Variants in AGAP1 observed in about 807,000 individuals in gnomAD.
AGAP1 encodes arf-GAP with GTPase, ANK repeat and PH domain-containing protein 1.
In AGAP1, 29 loss-of-function variants were observed where a neutral mutation model predicts 105.3. The observed-to-expected ratio is 0.28, with a 90% CI of 0.21 to 0.38. The LOEUF is 0.38. Among genes scored for constraint, AGAP1 ranks in the 10% least tolerant of loss-of-function variants. AGAP1 has a pLI of 1.00. For missense variants in AGAP1, 998 were observed against 1,165.1 expected (o/e 0.86, Z 2.09); for synonymous variants, 509 against 485.9 (o/e 1.05, Z -0.63).
intron 6 of AGAP1, among the ~76,000 whole-genome samples, chr2:235,760,885 C>T (rs1318453935): frequency 3.3e-5 from 5 of 152,352 alleles, no homozygotes; most frequent in African/African-American, 1.2e-4. Context: ...CCACCACTCC[C>T]AGCAGCCCAA....
At chr2:235,800,695 A>C (rs1341397039) in intron 8 of AGAP1, among the ~76,000 whole-genome samples, 1 of 152,224 alleles carries the variant, frequency 6.6e-6, no homozygotes, top group Non-Finnish European at 1.5e-5. Flanking sequence ...ACATTTGGCA[A>C]CTTCTGGAGA....
intron 1 of AGAP1, among the ~76,000 whole-genome samples, chr2:235,657,197 C>G (rs1395577714): frequency 6.6e-6 from 1 of 152,164 alleles, no homozygotes; most frequent in Middle Eastern, 3.2e-3. Flanking sequence ...GAGTTAGTCT[C>G]CACTTTATAG....
chr2:235,821,230 A>G (rs1958769463), intron 9 of AGAP1, among the ~76,000 whole-genome samples: 1 of 152,234 alleles, frequency 6.6e-6, no homozygotes, highest in Non-Finnish European at 1.5e-5. Flanking sequence ...TAAAATGGCC[A>G]ATTTGAATAC....
At chr2:235,944,352 A>C (rs143025135) in intron 12 of AGAP1, among the ~76,000 whole-genome samples, 58 of 152,368 alleles carry the variant, frequency 3.8e-4, no homozygotes, top group Non-Finnish European at 7.6e-4. Context: ...TAACAACCTT[A>C]CCAGTTATCT....
intron 9 of AGAP1, among the ~76,000 whole-genome samples, chr2:235,857,780 A>G (rs1449910474): frequency 6.6e-6 from 1 of 152,250 alleles, no homozygotes. Context: ...ACTGATTTGC[A>G]AGAATGTAGT....
intron 1 of AGAP1, among the ~76,000 whole-genome samples, chr2:235,592,090 T>G (rs1945362226): frequency 6.6e-6 from 1 of 152,190 alleles, no homozygotes; most frequent in South Asian, 2.1e-4. Context: ...AGTCATACAT[T>G]GAAGTGGCGC....
intron 6 of AGAP1, among the ~76,000 whole-genome samples, chr2:235,762,397 C>T (rs529375508): frequency 5.3e-5 from 8 of 152,102 alleles, no homozygotes; most frequent in Non-Finnish European, 7.4e-5. Flanking sequence ...ATTCAGGCTC[C>T]GAGCAGATCA....
intron 6 of AGAP1, among the ~76,000 whole-genome samples, chr2:235,764,602 C>T (rs556567655): frequency 3.3e-5 from 5 of 152,328 alleles, no homozygotes; most frequent in African/African-American, 1.2e-4. Context: ...ATCTCTGCTG[C>T]GTCCTGAGTC....
chr2:236,036,676 C>G lies in AGAP1; in HGVS notation c.1761C>G (p.Ile587Met). 1.9e-6 allele frequency: 3 copies of G among 1,614,214 alleles called. No individual in the cohort carries two copies. The highest frequency in any genetic ancestry group is 1.3e-5 in the African/African-American group (1 of 75,052). The change falls in exon 14 of 18, where the codon ATC becomes ATG. Residue 587 changes from isoleucine to methionine, a missense_variant. Ile to Met is a conservative substitution (Grantham distance 10). Around this residue, in one of 3 missense-constraint regions of AGAP1, gnomAD observed 735 missense variants for 833.4 expected, o/e 0.88. Coordinates refer to ENST00000304032, the MANE Select transcript of AGAP1 (RefSeq NM_001037131.3). The surrounding 1 kb of genome is among the most constrained non-coding windows in gnomAD (Gnocchi z 5.7). Reference sequence around the variant, plus strand: ...GGGTCCAAGCCATCGAGAGCCAGATCCTGGCCAGCCTGCAGTCGTGCGAGA... The same window carrying G: ...GGGTCCAAGCCATCGAGAGCCAGATGCTGGCCAGCCTGCAGTCGTGCGAGA... The part of the protein sequence containing the change: ...DAWVQAIESQ[I>M]LASLQSCESS...
intron 1 of AGAP1, among the ~76,000 whole-genome samples, chr2:235,682,761 A>G (rs113459846): frequency 0.05 from 7,608 of 151,162 alleles, 584 homozygotes; most frequent in African/African-American, 0.17. Flanking sequence ...CCTGCTGGGC[A>G]CTGGTGAGTG....
rs1175721419 is a variant in AGAP1, at chr2:235,919,953, CTGGAGCAGCACG to C, written c.1325-10809_1325-10798del. ...CGCTCTCCATAAACACTGTCGGAAT[CTGGAGCAGCACG>C]TGTTCCTTCAGCAGATAAAAATGGC... On this transcript the variant is annotated intron_variant, in intron 11 of 17. Transcript: ENST00000304032. The surrounding 1 kb of genome is among the most constrained non-coding windows in gnomAD (Gnocchi z 4.1). 1.3e-5 allele frequency among the ~76,000 whole-genome samples: 2 copies of C among 152,208 alleles called. No individual in the cohort carries two copies. Among genetic ancestry groups the C allele is most frequent in the Non-Finnish European group, 2.9e-5 (2 of 68,038 alleles).
At chr2:236,107,765 C>T (rs766154440) in intron 16 of AGAP1, among the ~76,000 whole-genome samples, 11 of 152,232 alleles carry the variant, frequency 7.2e-5, no homozygotes, top group Non-Finnish European at 2.9e-5. Flanking sequence ...CCGGGCACAT[C>T]CTCGCTCTCC....
rs879519741 is a variant in AGAP1, at chr2:235,977,517, C to T, written c.1645+8894C>T. Among the ~76,000 whole-genome samples the T allele has an allele frequency of 1.1e-4, 17 of 152,086 alleles. No homozygotes were observed. The highest frequency in any genetic ancestry group is 2.1e-4 in the Non-Finnish European group (14 of 68,028). On this transcript the variant is annotated intron_variant, in intron 13 of 17. Coordinates refer to ENST00000304032, the MANE Select transcript of AGAP1 (RefSeq NM_001037131.3). This position sits in a 1 kb window ranked among gnomAD's most constrained non-coding sequence, Gnocchi z 5.2. ...GTTCAGCAGCAAGGTATGAGAGGTC[C>T]GCATCTCATGCACGAGGGTGTTTTT... is the stretch of plus-strand genomic sequence containing the variant.
chr2:235,935,977 CG>C (rs1322391054), intron 12 of AGAP1, among the ~76,000 whole-genome samples: 2 of 152,152 alleles, frequency 1.3e-5, no homozygotes, highest in African/African-American at 2.4e-5. Context: ...GAGCCTGGCC[CG>C]GCCCTCCCCG....
intron 1 of AGAP1, among the ~76,000 whole-genome samples, chr2:235,532,966 C>T (rs1181113019): frequency 6.6e-6 from 1 of 152,072 alleles, no homozygotes; most frequent in East Asian, 1.9e-4. Context: ...GTCATTGATG[C>T]TTCAGACTAG....
rs142249054 is a variant in AGAP1, at chr2:235,740,490, A to G, written c.311-473A>G. On this transcript the variant is annotated intron_variant, in intron 3 of 17. Coordinates refer to ENST00000304032, the MANE Select transcript of AGAP1 (RefSeq NM_001037131.3). This position sits in a 1 kb window ranked among gnomAD's most constrained non-coding sequence, Gnocchi z 5.7. ...GGAAACACCATTCTCATGATGTTCT[A>G]TGTCTCCCTTTCAAGAACTGGGTTT... Among the ~76,000 whole-genome samples, 301 of 152,240 alleles carry G rather than the reference A, an allele frequency of 2.0e-3. 1 individual carries two copies. Among genetic ancestry groups the G allele is most frequent in the African/African-American group, 6.3e-3 (263 of 41,530 alleles).
Position 235,845,360 on chromosome 2 carries a change from C to G in AGAP1, c.1051-37985C>G, listed in dbSNP as rs1961346838. Among the ~76,000 whole-genome samples, 1 of 152,148 alleles carries G rather than the reference C, an allele frequency of 6.6e-6. No individual in the cohort carries two copies. Among genetic ancestry groups the G allele is most frequent in the South Asian group, 2.1e-4 (1 of 4,820 alleles). ...CCCCAGAGCAAAATCCAACACCATG[C>G]TGGCTTCTGGGAGTGCAGATTTTGC... On this transcript the variant is annotated intron_variant, in intron 9 of 17. Coordinates refer to ENST00000304032, the MANE Select transcript of AGAP1 (RefSeq NM_001037131.3). The surrounding 1 kb of genome is among the most constrained non-coding windows in gnomAD (Gnocchi z 4.8).
In AGAP1 at chr2:235,865,521, G is replaced by A. The variant is rs2049124546; in HGVS notation, c.1051-17824G>A. Among the ~76,000 whole-genome samples, 2 of 152,216 alleles carry A rather than the reference G, an allele frequency of 1.3e-5. No individual in the cohort carries two copies. Among genetic ancestry groups the A allele is most frequent in the South Asian group, 2.1e-4 (1 of 4,824 alleles). On this transcript the variant is annotated intron_variant, in intron 9 of 17. Coordinates refer to ENST00000304032, the MANE Select transcript of AGAP1 (RefSeq NM_001037131.3). The surrounding 1 kb of genome is among the most constrained non-coding windows in gnomAD (Gnocchi z 6.2). Reference sequence around the variant, plus strand: ...TGGCACAACGACAGAAATATTACTCGCCGGAAAGGGGAGGGGGTCTTTGGG... The same window carrying A: ...TGGCACAACGACAGAAATATTACTCACCGGAAAGGGGAGGGGGTCTTTGGG...
At chr2:235,592,443 C>T (rs368401864) in intron 1 of AGAP1, among the ~76,000 whole-genome samples, 8 of 152,130 alleles carry the variant, frequency 5.3e-5, no homozygotes, top group South Asian at 4.2e-4. Context: ...CTTAGAACCA[C>T]GAGAGGACCC....
Sources: allele counts gnomAD v4.1 joint callset (sites outside exome capture counted in the v4.1 genomes callset), GRCh38; gene constraint gnomAD v4.1.1; regional missense constraint gnomAD v4.1.1; non-coding constraint Gnocchi (gnomAD v3.1); transcripts MANE v1.5; gene names NCBI Gene and HGNC (gene_info 2026-07-23, HGNC 2026-07-21).